ADAMTS18: variants seen among roughly 807,000 people sequenced by gnomAD.
ADAMTS18 encodes the protein ADAM metallopeptidase with thrombospondin type 1 motif 18, also known as A disintegrin and metalloproteinase with thrombospondin motifs 18.
Under a neutral mutation model 165.9 loss-of-function variants are expected in ADAMTS18, and 157 were observed. That is an observed-to-expected ratio of 0.95 (90% confidence interval 0.83 to 1.08). The LOEUF is 1.08. Among genes scored for constraint, ADAMTS18 ranks in the 50% least tolerant of loss-of-function variants. ADAMTS18 has a pLI of 0.00. For missense variants in ADAMTS18, 2,040 were observed against 1,534.0 expected (o/e 1.33, Z -5.51); for synonymous variants, 782 against 578.2 (o/e 1.35, Z -5.06).
rs1482721399 is a variant in ADAMTS18, at chr16:77,335,667, ATAAACT to A, written c.1859+83_1859+88del. Reference sequence around the variant, plus strand: ...AGCCATAATAATTAAAAATAAAAAAATAAACTTAAAGTATGAACAAGAAAAACCAGC... The same window carrying A: ...AGCCATAATAATTAAAAATAAAAAAATAAAGTATGAACAAGAAAAACCAGC... On this transcript the variant is annotated intron_variant, in intron 12 of 22. Transcript: ENST00000282849. 5.2e-5 allele frequency: 78 copies of A among 1,503,326 alleles called. 1 individual carries two copies. The highest frequency in any genetic ancestry group is 3.9e-4 in the Admixed American group (23 of 59,352). The allele number at this position is 1,503,326 out of a possible 1,614,324, so 93.1% of individuals were successfully genotyped here. A position where few individuals can be genotyped will look rare whatever the true frequency, so the allele number is the denominator to read the frequency against.
chr16:77,361,334 C>G (rs952907298), intron 7 of ADAMTS18, among the ~76,000 whole-genome samples: 1 of 152,206 alleles, frequency 6.6e-6, no homozygotes, highest in South Asian at 2.1e-4. Flanking sequence ...ATGGAATATA[C>G]TAGAATATAG....
intron 18 of ADAMTS18, 145 bp from the exon 19 acceptor site, chr16:77,295,272 G>A (rs1329729958): frequency 1.1e-5 from 9 of 816,554 alleles, no homozygotes; most frequent in South Asian, 7.3e-5. Context: ...TGTTCTTTGA[G>A]GGATCCAGAG....
chr16:77,311,697 G>T, intron 16 of ADAMTS18, among the ~76,000 whole-genome samples: 1 of 56,948 alleles, frequency 1.8e-5, no homozygotes, highest in Non-Finnish European at 3.5e-5. Context: ...CTAGATTACT[G>T]GAGTTTTCTT....
chr16:77,325,083 G>A (rs943226565), intron 13 of ADAMTS18, among the ~76,000 whole-genome samples: 1 of 152,124 alleles, frequency 6.6e-6, no homozygotes, highest in African/African-American at 2.4e-5. Flanking sequence ...TTCATGTTGC[G>A]CTTTTGCACA....
chr16:77,334,081 C>CAGTGCTATATATGCTATATATAATAT (rs2056239335), intron 12 of ADAMTS18, among the ~76,000 whole-genome samples: 1 of 88,236 alleles, frequency 1.1e-5, no homozygotes, highest in Admixed American at 1.4e-4. Context: ...ATATAATATA[C>CAGTGCTATATATGCTATATATAATAT]AGTGTTATAT....
rs192294823 is a variant in ADAMTS18 at position 77,299,630 on chromosome 16, A to G, written c.2674+633T>C. Among the ~76,000 whole-genome samples, 215 of 152,332 alleles carry G rather than the reference A, an allele frequency of 1.4e-3. 1 individual carries two copies. Among genetic ancestry groups the G allele is most frequent in the African/African-American group, 5.1e-3 (212 of 41,576 alleles). ...TTTGGGCACTTGTTCTTCCTCCCAA[A>G]TGAGCAAGTGTGACAATGGTTTAAC... On this transcript the variant is annotated intron_variant, in intron 17 of 22. Coordinates refer to ENST00000282849, the MANE Select transcript of ADAMTS18 (RefSeq NM_199355.4).
chr16:77,403,908 T>C (rs574410603), intron 3 of ADAMTS18, among the ~76,000 whole-genome samples: 97 of 151,916 alleles, frequency 6.4e-4, no homozygotes, highest in African/African-American at 2.2e-3. Context: ...GAGAAGAGGG[T>C]TGGCTGGGAA....
chr16:77,350,324 A>G (rs190901716), intron 10 of ADAMTS18, among the ~76,000 whole-genome samples: 1 of 152,178 alleles, frequency 6.6e-6, no homozygotes. Flanking sequence ...TGAGTGATCC[A>G]AAAGAGCCAG....
intron 22 of ADAMTS18, among the ~76,000 whole-genome samples, chr16:77,288,983 G>A (rs936707248): frequency 2.0e-5 from 3 of 152,172 alleles, no homozygotes; most frequent in South Asian, 4.1e-4. Context: ...TACTCAGGAG[G>A]CTGAGGCAGG....
chr16:77,316,563 C>A (rs1555511893), intron 16 of ADAMTS18, among the ~76,000 whole-genome samples: 1 of 152,174 alleles, frequency 6.6e-6, no homozygotes, highest in Non-Finnish European at 1.5e-5. Context: ...TGGGCCACCC[C>A]CTGACTATAC....
At position 77,434,287 on chromosome 16, in the gene ADAMTS18, G is replaced by C. The variant is rs115284586; in HGVS notation, c.178+131C>G. On this transcript the variant is annotated intron_variant, in intron 2 of 22. Coordinates refer to ENST00000282849, the MANE Select transcript of ADAMTS18 (RefSeq NM_199355.4). ...GCCAACCTTCCCCCCTCTCCAAACA[G>C]GAACCATTTCCAAGACAGCGCACAC... 3.9e-3 allele frequency: 4,194 copies of C among 1,084,080 alleles called. 124 individuals are homozygous for C. In the African/African-American group the frequency reaches 0.056, roughly 15 times the overall value. The allele number at this position is 1,084,080 out of a possible 1,614,324, so 67.2% of individuals were successfully genotyped here. A position where few individuals can be genotyped will look rare whatever the true frequency, so the allele number is the denominator to read the frequency against.
chr16:77,374,976 T>C (rs2056928160), intron 3 of ADAMTS18, among the ~76,000 whole-genome samples: 1 of 152,170 alleles, frequency 6.6e-6, no homozygotes, highest in Non-Finnish European at 1.5e-5. Flanking sequence ...ATACATTTTA[T>C]TGCTTAAAAA....
At chr16:77,371,866 T>G (rs766511710) in intron 3 of ADAMTS18, among the ~76,000 whole-genome samples, 10 of 152,190 alleles carry the variant, frequency 6.6e-5, no homozygotes, top group Non-Finnish European at 8.8e-5. Flanking sequence ...TTGTAAACTA[T>G]GTACCCGATA....
At chr16:77,343,167 G>C (rs1262103887) in intron 10 of ADAMTS18, among the ~76,000 whole-genome samples, 1 of 151,810 alleles carries the variant, frequency 6.6e-6, no homozygotes, top group Non-Finnish European at 1.5e-5. Context: ...CCGCCTCCTG[G>C]GTTCAAGCAA....
At chr16:77,351,496 A>G (rs1257989635) in intron 10 of ADAMTS18, among the ~76,000 whole-genome samples, 1 of 152,218 alleles carries the variant, frequency 6.6e-6, no homozygotes, top group Non-Finnish European at 1.5e-5. Flanking sequence ...TTCTGAAGGA[A>G]TGATAGTAAT....
intron 16 of ADAMTS18, among the ~76,000 whole-genome samples, chr16:77,301,556 T>C (rs573194502): frequency 1.2e-4 from 19 of 152,342 alleles, no homozygotes; most frequent in African/African-American, 4.6e-4. Context: ...AACTGGGCAT[T>C]CATGCCCAAG....
intron 3 of ADAMTS18, among the ~76,000 whole-genome samples, chr16:77,415,608 T>C (rs2057520158): frequency 6.6e-6 from 1 of 151,644 alleles, no homozygotes; most frequent in Non-Finnish European, 1.5e-5. Flanking sequence ...CTAGTCAGTA[T>C]GTAAAACATG....
chr16:77,364,215 G>T lies in ADAMTS18; in HGVS notation c.945C>A (p.Thr315=), dbSNP rs768029665. 11 of 1,613,988 alleles carry T rather than the reference G, an allele frequency of 6.8e-6. No homozygotes were observed. The South Asian group carries it at 7.7e-5, about 11-fold the overall frequency. Residue 315 remains threonine, a synonymous_variant, in exon 5 of 23, where the codon ACC becomes ACA. Coordinates refer to ENST00000282849, the MANE Select transcript of ADAMTS18 (RefSeq NM_199355.4). The part of the protein sequence containing the change: ...MVEKHGKGNV[T]TYILTVMNMV... ...TGTTCATTACTGTGAGAATGTATGT[G>T]GTGACATTTCCCTTGCCATGCTTTT...
At chr16:77,311,023 C>T (rs567607166) in intron 16 of ADAMTS18, among the ~76,000 whole-genome samples, 74 of 151,978 alleles carry the variant, frequency 4.9e-4, no homozygotes, top group African/African-American at 1.7e-3. Context: ...TAATTACCTA[C>T]ATTGATACAC....
Sources: gnomAD v4.1 joint callset for allele counts (sites outside exome capture counted in the v4.1 genomes callset) on GRCh38, gnomAD v4.1.1 for gene constraint, MANE v1.5 for transcripts, NCBI Gene and HGNC (gene_info 2026-07-23, HGNC 2026-07-21) for gene names.